PIK3C2G: variants seen among roughly 807,000 people sequenced by gnomAD.
PIK3C2G encodes the protein phosphatidylinositol 3-kinase C2 domain-containing subunit gamma.
A neutral mutation model predicts 181.1 loss-of-function variants in PIK3C2G; 168 were observed. The ratio of observed to expected loss-of-function variants is 0.93; its 90% CI spans 0.82 to 1.05. PIK3C2G has a LOEUF of 1.05. Ranked by LOEUF, PIK3C2G falls within the 50% of genes least tolerant of loss-of-function variation. PIK3C2G has a pLI of 0.00. For synonymous variants in PIK3C2G, 573 were observed against 592.2 expected, an observed-to-expected ratio of 0.97 and a Z score of 0.47; for missense variants, 1,869 against 1,732.8, an observed-to-expected ratio of 1.08 and a Z score of -1.40.
At chr12:18,498,015 G>A (rs1941154770) in intron 22 of PIK3C2G, among the ~76,000 whole-genome samples, 1 of 152,042 alleles carries the variant, frequency 6.6e-6, no homozygotes, top group Admixed American at 6.5e-5. Context: ...GTCTTTAAGA[G>A]TGAGTTTCAT....
chr12:18,698,894 T>A, the PIK3C2G span, among the ~76,000 whole-genome samples: 1 of 152,150 alleles, frequency 6.6e-6, no homozygotes, highest in African/African-American at 2.4e-5. Context: ...TAGTTTTGTA[T>A]CCATTATTGT....
At chr12:18,555,040 C>T (rs1327498956) in intron 26 of PIK3C2G, among the ~76,000 whole-genome samples, 1 of 151,650 alleles carries the variant, frequency 6.6e-6, no homozygotes, top group Non-Finnish European at 1.5e-5. Flanking sequence ...TATGAACTTA[C>T]AGTATCAGTG....
intron 24 of PIK3C2G, among the ~76,000 whole-genome samples, chr12:18,510,219 T>G (rs1348477277): frequency 6.6e-6 from 1 of 152,128 alleles, no homozygotes; most frequent in East Asian, 1.9e-4. Flanking sequence ...AATTTGGACC[T>G]CGGCCCAAAA....
At chr12:18,340,045 T>C (rs1284408953) in intron 9 of PIK3C2G, among the ~76,000 whole-genome samples, 1 of 152,174 alleles carries the variant, frequency 6.6e-6, no homozygotes, top group Non-Finnish European at 1.5e-5. Flanking sequence ...GGAATAACTA[T>C]GTAGTCTCCA....
chr12:18,427,667 T>C (rs745651704), intron 18 of PIK3C2G, among the ~76,000 whole-genome samples: 3 of 152,010 alleles, frequency 2.0e-5, no homozygotes, highest in Non-Finnish European at 4.4e-5. Context: ...CAACAATGGG[T>C]GCACACAAAG....
At chr12:18,380,580 C>G (rs1942772345) in intron 13 of PIK3C2G, among the ~76,000 whole-genome samples, 1 of 151,994 alleles carries the variant, frequency 6.6e-6, no homozygotes. Context: ...AATACTGGAC[C>G]CCTGATATTG....
chr12:18,573,113 TTTAG>T (rs1215398759), intron 29 of PIK3C2G, among the ~76,000 whole-genome samples: 3 of 150,582 alleles, frequency 2.0e-5, no homozygotes, highest in South Asian at 4.1e-4. Context: ...CACTTGTGAG[TTTAG>T]TTATTTTCTT....
intron 31 of PIK3C2G, among the ~76,000 whole-genome samples, chr12:18,620,811 G>A (rs897948160): frequency 6.6e-6 from 1 of 151,840 alleles, no homozygotes; most frequent in African/African-American, 2.4e-5. Flanking sequence ...TCTTAATCCT[G>A]GTTATTTAAT....
Position 18,381,791 on chromosome 12 carries a change from T to C in PIK3C2G, c.1906T>C (p.Phe636Leu), listed in dbSNP as rs1942852923. The change falls in exon 14 of 33, where the codon TTC (phenylalanine) becomes CTC (leucine). Residue 636 changes from phenylalanine (F) to leucine (L), a missense_variant. Transcript: ENST00000538779. ...KEKSILGSML[F>L]SMTLQSEPPV... is the part of the protein sequence containing the mutation. ...AAAATCCATTCTCGGGTCTATGCTG[T>C]TCAGCATGACATTACAGAGTGAGCC... 3 of 1,612,716 alleles carry C rather than the reference T, an allele frequency of 1.9e-6. No homozygotes were observed. The highest frequency in any genetic ancestry group is 1.7e-5 in the Admixed American group (1 of 59,990).
chr12:18,412,338 G>T (rs1044021264), intron 16 of PIK3C2G, among the ~76,000 whole-genome samples: 15 of 152,200 alleles, frequency 9.9e-5, no homozygotes, highest in African/African-American at 3.1e-4. Context: ...GCTTACAGGG[G>T]TGTTACAAGG....
intron 24 of PIK3C2G, among the ~76,000 whole-genome samples, chr12:18,505,918 G>A (rs1335283312): frequency 3.3e-5 from 5 of 152,138 alleles, no homozygotes; most frequent in African/African-American, 7.2e-5. Flanking sequence ...ACTATTCAAG[G>A]ATATAACAGT....
At chr12:18,292,375 C>T (rs894378128) in intron 4 of PIK3C2G, among the ~76,000 whole-genome samples, 5 of 151,314 alleles carry the variant, frequency 3.3e-5, no homozygotes, top group African/African-American at 1.2e-4. Flanking sequence ...CATATAATTG[C>T]TTCTCATATT....
intron 20 of PIK3C2G, among the ~76,000 whole-genome samples, chr12:18,495,421 T>C (rs1940924633): frequency 6.6e-6 from 1 of 152,120 alleles, no homozygotes; most frequent in African/African-American, 2.4e-5. Flanking sequence ...TGTACTGCTA[T>C]TTATAAAAAA....
chr12:18,604,214 A>C (rs1947889734), intron 30 of PIK3C2G, among the ~76,000 whole-genome samples: 1 of 152,230 alleles, frequency 6.6e-6, no homozygotes. Context: ...TTTCATGCAA[A>C]TGTACACCAA....
chr12:18,608,996 T>C (rs75633635), intron 30 of PIK3C2G, among the ~76,000 whole-genome samples: 7 of 152,042 alleles, frequency 4.6e-5, no homozygotes, highest in Admixed American at 3.3e-4. Context: ...AAAAAGAGAT[T>C]AGTGCAAATT....
At chr12:18,660,147 G>T in the PIK3C2G span, among the ~76,000 whole-genome samples, 3 of 152,192 alleles carry the variant, frequency 2.0e-5, no homozygotes, top group Admixed American at 1.3e-4. Flanking sequence ...TTCCAGGAGA[G>T]GACCTGGATA....
At chr12:18,335,160 A>G (rs1938405789) in intron 8 of PIK3C2G, among the ~76,000 whole-genome samples, 1 of 152,080 alleles carries the variant, frequency 6.6e-6, no homozygotes, top group South Asian at 2.1e-4. Context: ...CACTTTTTAC[A>G]GGTGGCTGCT....
At chr12:18,668,929 T>G in the PIK3C2G span, among the ~76,000 whole-genome samples, 10 of 152,106 alleles carry the variant, frequency 6.6e-5, no homozygotes, top group African/African-American at 2.4e-4. Flanking sequence ...AATAAATTAC[T>G]AGATGTGCAA....
chr12:18,707,135 T>A, the PIK3C2G span, among the ~76,000 whole-genome samples: 1 of 152,212 alleles, frequency 6.6e-6, no homozygotes, highest in South Asian at 2.1e-4. Flanking sequence ...TAATCCAGAA[T>A]AATCTCCCCA....
Sources: allele counts gnomAD v4.1 joint callset (sites outside exome capture counted in the v4.1 genomes callset), GRCh38; gene constraint gnomAD v4.1.1; transcripts MANE v1.5; gene names NCBI Gene and HGNC (gene_info 2026-07-23, HGNC 2026-07-21).